BBS9: variants seen among roughly 807,000 people sequenced by gnomAD.
The protein encoded by BBS9 is Bardet-Biedl syndrome 9.
A neutral mutation model predicts 117.7 loss-of-function variants in BBS9; 89 were observed. The observed-to-expected ratio is 0.76, with a 90% CI of 0.64 to 0.90. BBS9 has a LOEUF of 0.90. Ranked by LOEUF, BBS9 falls within the 40% of genes least tolerant of loss-of-function variation. The pLI, the probability that BBS9 is intolerant of heterozygous loss-of-function variation, is 0.00. For synonymous variants in BBS9, 379 were observed against 370.9 expected (o/e 1.02, Z -0.25); for missense variants, 982 against 1,042.2 (o/e 0.94, Z 0.80).
chr7:33,177,948 C>T lies in BBS9; in HGVS notation c.442+357C>T, dbSNP rs183386459. On this transcript the variant is annotated intron_variant, in intron 5 of 22. Coordinates refer to ENST00000242067, the MANE Select transcript of BBS9 (RefSeq NM_198428.3). ...AACATTTCTAAAACTGCCTTTTCTA[C>T]AGATTTTGTCTTTTATATATAAGCT... The T allele has an allele frequency of 1.6e-4, 33 of 212,650 alleles. 1 individual carries two copies. The East Asian group carries it at 3.1e-3, about 20-fold the overall frequency. The allele number at this position is 212,650 out of a possible 1,614,324, so 13.2% of individuals were successfully genotyped here.
intron 21 of BBS9, among the ~76,000 whole-genome samples, chr7:33,553,598 GCCT>G (rs1854809183): frequency 2.0e-5 from 3 of 151,978 alleles, no homozygotes; most frequent in Admixed American, 6.6e-5. Flanking sequence ...TTGTACTGTG[GCCT>G]CTTAAAGATA....
intron 21 of BBS9, among the ~76,000 whole-genome samples, chr7:33,619,870 T>C (rs978188704): frequency 2.0e-5 from 3 of 152,102 alleles, no homozygotes; most frequent in African/African-American, 7.2e-5. Context: ...GAGGAAAGTT[T>C]ATAGCAATAA....
chr7:33,554,180 C>T (rs1854913539), intron 21 of BBS9, among the ~76,000 whole-genome samples: 1 of 152,068 alleles, frequency 6.6e-6, no homozygotes, highest in African/African-American at 2.4e-5. Flanking sequence ...TGTTCCTTAC[C>T]TCTCATGGTA....
intron 19 of BBS9, among the ~76,000 whole-genome samples, chr7:33,444,417 A>G (rs1836681255): frequency 6.6e-6 from 1 of 152,218 alleles, no homozygotes; most frequent in South Asian, 2.1e-4. Context: ...AATGTGGTTA[A>G]CTACTGTATT....
intron 5 of BBS9, among the ~76,000 whole-genome samples, chr7:33,224,328 T>A (rs1356633430): frequency 1.3e-5 from 2 of 152,198 alleles, no homozygotes; most frequent in Admixed American, 1.3e-4. Flanking sequence ...GAGCTGAGAT[T>A]TGGACCTGGT....
At chr7:33,267,317 A>C (rs1021689991) in intron 7 of BBS9, among the ~76,000 whole-genome samples, 5 of 152,102 alleles carry the variant, frequency 3.3e-5, no homozygotes, top group African/African-American at 1.2e-4. Flanking sequence ...CAAGTGCATA[A>C]TTTATAAGAA....
intron 17 of BBS9, among the ~76,000 whole-genome samples, chr7:33,371,595 C>T (rs530029516): frequency 6.6e-6 from 1 of 152,102 alleles, no homozygotes; most frequent in East Asian, 1.9e-4. Context: ...GGATGGGATG[C>T]AGAAGCTTGC....
rs1008109042 is a variant in BBS9 at position 33,451,836 on chromosome 7, AT to A, written c.2116-53617del. Among the ~76,000 whole-genome samples the A allele has an allele frequency of 3.4e-3, 507 of 149,458 alleles. 6 individuals carry two copies. The highest frequency in any genetic ancestry group is 9.2e-3 in the African/African-American group (374 of 40,812). ...TTTTGCAGAATATGCCATTGGGAAC[AT>A]TTTTTTTTTCTTTTGAAACAGAGTC... On this transcript the variant is annotated intron_variant, in intron 19 of 22. Coordinates refer to ENST00000242067, the MANE Select transcript of BBS9 (RefSeq NM_198428.3).
Position 33,303,522 on chromosome 7 carries a change from T to TCCCCCCCCC in BBS9, c.1016+29572_1016+29573insCCCCCCCCC, listed in dbSNP as rs758450052. ...TTTAGTATCAACTGAAATGATCCCC[T>TCCCCCCCCC]CCCCCCGCCCCTTCTTTCTTTGGTC... On this transcript the variant is annotated intron_variant, in intron 9 of 22. Transcript: ENST00000242067. 1.3e-3 allele frequency among the ~76,000 whole-genome samples: 100 copies of TCCCCCCCCC among 77,054 alleles called. 1 individual carries two copies. The highest frequency in any genetic ancestry group is 1.7e-3 in the Non-Finnish European group (71 of 42,254). 50.6% of individuals were successfully genotyped at this position (77,054 alleles called of 152,430 possible). A position where few individuals can be genotyped will look rare whatever the true frequency, so the allele number is the denominator to read the frequency against.
chr7:33,329,408 T>C (rs1294173524), intron 9 of BBS9, among the ~76,000 whole-genome samples: 2 of 152,214 alleles, frequency 1.3e-5, no homozygotes, highest in African/African-American at 4.8e-5. Context: ...AACATTTAGG[T>C]ATTTTTCCTA....
chr7:33,331,218 A>G (rs180783403), intron 9 of BBS9, among the ~76,000 whole-genome samples: 1 of 152,322 alleles, frequency 6.6e-6, no homozygotes, highest in Non-Finnish European at 1.5e-5. Context: ...AAAATCCAGC[A>G]TGGCTTTATG....
At chr7:33,365,238 G>A (rs938803383) in intron 16 of BBS9, among the ~76,000 whole-genome samples, 5 of 151,938 alleles carry the variant, frequency 3.3e-5, no homozygotes, top group Admixed American at 1.3e-4. Context: ...TTTGTTTTTC[G>A]TGTTTCTTGT....
At chr7:33,532,888 T>C (rs1850802054) in intron 20 of BBS9, among the ~76,000 whole-genome samples, 1 of 152,194 alleles carries the variant, frequency 6.6e-6, no homozygotes, top group Non-Finnish European at 1.5e-5. Context: ...AATTCATTTC[T>C]TGTCGTTCTT....
intron 21 of BBS9, among the ~76,000 whole-genome samples, chr7:33,551,271 G>T (rs1449485172): frequency 6.6e-6 from 1 of 152,148 alleles, no homozygotes; most frequent in Non-Finnish European, 1.5e-5. Flanking sequence ...TGTGGTGATA[G>T]ATATTAAGGG....
At position 33,286,189 on chromosome 7, in the gene BBS9, T is replaced by A. The variant is rs1182161211; in HGVS notation, c.1016+12233T>A. Reference sequence around the variant, plus strand: ...CTGAAAAACTTCTTTAGAAGTACTGTCATCAAGACTGTGAACATCTCTTAA... The same window carrying A: ...CTGAAAAACTTCTTTAGAAGTACTGACATCAAGACTGTGAACATCTCTTAA... On this transcript the variant is annotated intron_variant, in intron 9 of 22. Transcript: ENST00000242067. Among the ~76,000 whole-genome samples, 3 of 152,140 alleles carry A rather than the reference T, an allele frequency of 2.0e-5. No homozygotes were observed. The East Asian group carries it at 5.8e-4, about 29-fold the overall frequency.
At chr7:33,347,246 AT>A (rs1350453461) in intron 12 of BBS9, among the ~76,000 whole-genome samples, 1 of 152,054 alleles carries the variant, frequency 6.6e-6, no homozygotes, top group Non-Finnish European at 1.5e-5. Context: ...AATTGCTAAT[AT>A]TTTTTATCAT....
At chr7:33,357,809 A>G in intron 15 of BBS9, 46 bp from the exon 16 acceptor site, 4 of 1,591,548 alleles carry the variant, frequency 2.5e-6, no homozygotes, top group South Asian at 1.1e-5. Flanking sequence ...TTTTTGCCAA[A>G]TTATTTGTCA....
chr7:33,584,269 T>A (rs1036551991), intron 21 of BBS9, among the ~76,000 whole-genome samples: 1 of 152,094 alleles, frequency 6.6e-6, no homozygotes, highest in Non-Finnish European at 1.5e-5. Context: ...TACAATTATA[T>A]CATCTGGAAA....
At chr7:33,476,625 C>G (rs1841838895) in intron 19 of BBS9, among the ~76,000 whole-genome samples, 1 of 152,190 alleles carries the variant, frequency 6.6e-6, no homozygotes, top group Admixed American at 6.5e-5. Flanking sequence ...TGTTGCTAAT[C>G]TCTAAATTAG....
Sources: gnomAD v4.1 joint callset for allele counts (sites outside exome capture counted in the v4.1 genomes callset) on GRCh38, gnomAD v4.1.1 for gene constraint, MANE v1.5 for transcripts, NCBI Gene and HGNC (gene_info 2026-07-23, HGNC 2026-07-21) for gene names.